Variants in EFL1 observed in about 807,000 individuals in gnomAD.
EFL1 encodes elongation factor-like GTPase 1.
A neutral mutation model predicts 126.7 loss-of-function variants in EFL1; 76 were observed. The observed-to-expected ratio is 0.60, with a 90% CI of 0.50 to 0.73. EFL1 has a LOEUF of 0.73. Among genes scored for constraint, EFL1 ranks in the 30% least tolerant of loss-of-function variants. The pLI is 0.00. For missense variants in EFL1, 1,128 were observed against 1,343.2 expected (o/e 0.84, Z 2.50); for synonymous variants, 410 against 448.4 (o/e 0.91, Z 1.08).
At chr15:82,213,717 T>C (rs1270438713) in intron 15 of EFL1, among the ~76,000 whole-genome samples, 2 of 152,220 alleles carry the variant, frequency 1.3e-5, no homozygotes, top group Admixed American at 6.5e-5. Context: ...TGTTTTCCAT[T>C]CTTCCAATGT....
intron 4 of EFL1, among the ~76,000 whole-genome samples, chr15:82,245,763 T>C (rs1350687140): frequency 1.3e-5 from 2 of 151,690 alleles, no homozygotes; most frequent in Admixed American, 6.6e-5. Context: ...AAGACCATCA[T>C]CTCTACAAAA....
chr15:82,231,028 C>T, intron 7 of EFL1, 57 bp from the exon 8 acceptor site: 1 of 1,578,474 alleles, frequency 6.3e-7, no homozygotes, highest in Non-Finnish European at 8.6e-7. Context: ...ATTTCTGTGA[C>T]AGGTACTGTT....
intron 19 of EFL1, among the ~76,000 whole-genome samples, chr15:82,135,810 T>C (rs2073714845): frequency 6.6e-6 from 1 of 152,186 alleles, no homozygotes; most frequent in African/African-American, 2.4e-5. Context: ...TATCTTATTC[T>C]TCCTCATCCC....
rs1240068495 is a variant in EFL1, at chr15:82,151,964, T to C, written c.2490A>G (p.Lys830=). 5 of 1,614,022 alleles carry C rather than the reference T, an allele frequency of 3.1e-6. No individual in the cohort carries two copies. The African/African-American group carries it at 6.7e-5, about 22-fold the overall frequency. The change falls in exon 18 of 20, where the codon AAA becomes AAG. Residue 830 remains lysine (K), a synonymous_variant. Coordinates refer to ENST00000268206, the MANE Select transcript of EFL1 (RefSeq NM_024580.6). ...VDQIWSFGPR[K]CGPNILVNKS... is the part of the protein sequence containing the mutation. The stretch of plus-strand genomic sequence containing the variant: ...TATTGACTAGTATGTTGGGCCCACA[T>C]TTTCTTGGGCCAAATGACCAGATTT...
At chr15:82,136,902 A>G (rs941647890) in intron 19 of EFL1, among the ~76,000 whole-genome samples, 3 of 152,216 alleles carry the variant, frequency 2.0e-5, no homozygotes, top group South Asian at 4.1e-4. Context: ...AGAAATATGC[A>G]AAAGTCAAGA....
chr15:82,148,971 CTT>C (rs11326948), intron 18 of EFL1, among the ~76,000 whole-genome samples: 9 of 149,884 alleles, frequency 6.0e-5, no homozygotes, highest in African/African-American at 7.3e-5. Flanking sequence ...CTAACCTAAG[CTT>C]TTTTTTTTTC....
At chr15:82,249,363 T>C (rs1282653714) in intron 4 of EFL1, among the ~76,000 whole-genome samples, 2 of 151,820 alleles carry the variant, frequency 1.3e-5, no homozygotes, top group Non-Finnish European at 2.9e-5. Flanking sequence ...AATATGTATG[T>C]ATGCATATAA....
At chr15:82,201,266 G>A (rs1179515727) in intron 15 of EFL1, among the ~76,000 whole-genome samples, 1 of 152,174 alleles carries the variant, frequency 6.6e-6, no homozygotes, top group East Asian at 1.9e-4. Flanking sequence ...GAAGATTTGG[G>A]AGGCCCAGTC....
intron 7 of EFL1, among the ~76,000 whole-genome samples, chr15:82,233,454 T>C (rs1476268621): frequency 6.6e-6 from 1 of 152,204 alleles, no homozygotes; most frequent in East Asian, 1.9e-4. Flanking sequence ...CTCAGTCAAG[T>C]ATGAAATTAC....
intron 15 of EFL1, 30 bp downstream of exon 15, chr15:82,214,687 G>A (rs754120000): frequency 8.1e-6 from 11 of 1,354,996 alleles, no homozygotes; most frequent in South Asian, 7.9e-5. Context: ...CTAGAATGGA[G>A]TAAGGATAAA....
At chr15:82,246,883 G>A (rs1348801307) in intron 4 of EFL1, among the ~76,000 whole-genome samples, 2 of 152,142 alleles carry the variant, frequency 1.3e-5, no homozygotes, top group Non-Finnish European at 2.9e-5. Context: ...GAATGAGCAA[G>A]ACCTAACAGT....
At chr15:82,200,530 A>G (rs1250780654) in intron 15 of EFL1, among the ~76,000 whole-genome samples, 3 of 152,176 alleles carry the variant, frequency 2.0e-5, no homozygotes, top group Admixed American at 1.3e-4. Flanking sequence ...CAGAGAAAAG[A>G]ACAGAAAGAT....
intron 15 of EFL1, among the ~76,000 whole-genome samples, chr15:82,198,610 T>C (rs2074434875): frequency 2.0e-5 from 3 of 151,976 alleles, no homozygotes; most frequent in Admixed American, 6.6e-5. Flanking sequence ...GCAACGTAAC[T>C]AAGAAATACA....
At position 82,256,768 on chromosome 15, in the gene EFL1, A is replaced by G. The variant is rs539977920; in HGVS notation, c.159+2320T>C. ...ATGATTTTCTTCCTTTAATCCATTA[A>G]TATAGTGAAATTACATGTTAAACCA... On this transcript the variant is annotated intron_variant, in intron 3 of 19. Transcript: ENST00000268206. 2.8e-4 allele frequency among the ~76,000 whole-genome samples: 42 copies of G among 152,324 alleles called. No individual in the cohort carries two copies. The East Asian group carries it at 7.9e-3, about 29-fold the overall frequency.
intron 16 of EFL1, among the ~76,000 whole-genome samples, chr15:82,163,378 TA>T (rs1332766826): frequency 6.6e-6 from 1 of 152,070 alleles, no homozygotes; most frequent in Non-Finnish European, 1.5e-5. Flanking sequence ...CCGTATCTAC[TA>T]AAAATACAAA....
intron 4 of EFL1, among the ~76,000 whole-genome samples, chr15:82,251,099 C>T (rs1307462280): frequency 6.6e-6 from 1 of 152,148 alleles, no homozygotes; most frequent in Non-Finnish European, 1.5e-5. Flanking sequence ...GCAATCCCAG[C>T]TTCCCAGGAG....
intron 19 of EFL1, among the ~76,000 whole-genome samples, chr15:82,133,496 T>C (rs1268273344): frequency 6.6e-6 from 1 of 152,210 alleles, no homozygotes; most frequent in African/African-American, 2.4e-5. Flanking sequence ...CTAAGTCAAG[T>C]GCATTTATTA....
intron 4 of EFL1, among the ~76,000 whole-genome samples, chr15:82,249,250 C>T (rs562395126): frequency 5.3e-5 from 8 of 151,644 alleles, no homozygotes; most frequent in Middle Eastern, 3.5e-3. Flanking sequence ...CCAGTCTGGG[C>T]AACATAGCAA....
At position 82,230,856 on chromosome 15, in the gene EFL1, C is replaced by T; in HGVS notation, c.847G>A (p.Gly283Ser). ...GACATATACCACATTACCTGATCAC[C>T]CTTCATGATCTTTTTAGCCTTCATA... ...INMKAKKIMK[G>S]DQAKGKKPLF... The change falls in exon 8 of 20, where the codon GGT (glycine) becomes AGT (serine). Residue 283 changes from glycine to serine, a missense_variant. Physicochemically the swap from Gly to Ser is moderately conservative, Grantham distance 56. Coordinates refer to ENST00000268206, the MANE Select transcript of EFL1 (RefSeq NM_024580.6). The T allele has an allele frequency of 6.2e-7, 1 of 1,610,606 alleles. No individual in the cohort carries two copies. The highest frequency in any genetic ancestry group is 8.5e-7 in the Non-Finnish European group (1 of 1,178,476).
Sources: allele counts gnomAD v4.1 joint callset (sites outside exome capture counted in the v4.1 genomes callset), GRCh38; gene constraint gnomAD v4.1.1; transcripts MANE v1.5; gene names NCBI Gene and HGNC (gene_info 2026-07-23, HGNC 2026-07-21).